SETD5: variants seen among roughly 807,000 people sequenced by gnomAD.
The protein encoded by SETD5 is histone-lysine N-methyltransferase SETD5.
A neutral mutation model predicts 153.3 loss-of-function variants in SETD5; 44 were observed. That is an observed-to-expected ratio of 0.29 (90% CI 0.23 to 0.37). The LOEUF is 0.37. SETD5 is among the 10% of genes least tolerant of loss of function. SETD5 has a pLI of 1.00. For synonymous variants in SETD5, 716 were observed against 645.2 expected, an observed-to-expected ratio of 1.11 and a Z score of -1.66; for missense variants, 1,544 against 1,768.0, an observed-to-expected ratio of 0.87 and a Z score of 2.27.
At chr3:9,416,047 G>A (rs1464244945) in intron 1 of SETD5, among the ~76,000 whole-genome samples, 1 of 151,962 alleles carries the variant, frequency 6.6e-6, no homozygotes, top group Non-Finnish European at 1.5e-5. Context: ...TACTTTCTTT[G>A]TAATTTTTTT....
Position 9,459,755 on chromosome 3 carries a change from G to A in SETD5, c.2477-4670G>A, listed in dbSNP as rs117341922. ...AAAGAATATTAAAAGAAGAATATAC[G>A]ATGACTAAGGTTCCTTCTAGGAATG... On this transcript the variant is annotated intron_variant, in intron 17 of 22. Transcript: ENST00000402198. 3.3e-4 allele frequency among the ~76,000 whole-genome samples: 49 copies of A among 150,014 alleles called. No homozygotes were observed. In the East Asian group the frequency reaches 8.8e-3, roughly 27 times the overall value.
chr3:9,438,327 T>A (rs1055384061), intron 7 of SETD5, among the ~76,000 whole-genome samples: 3 of 152,184 alleles, frequency 2.0e-5, no homozygotes, highest in African/African-American at 7.2e-5. Flanking sequence ...GCCTTTTAAA[T>A]AGACTTTGGA....
chr3:9,462,598 AAAAG>A (rs1448115167), intron 17 of SETD5, among the ~76,000 whole-genome samples: 2 of 148,534 alleles, frequency 1.3e-5, no homozygotes, highest in Non-Finnish European at 3.0e-5. Context: ...AAAAAAAAAA[AAAAG>A]AAAAAAAGAA....
chr3:9,402,515 G>A (rs1664276387), intron 1 of SETD5, among the ~76,000 whole-genome samples: 1 of 152,136 alleles, frequency 6.6e-6, no homozygotes, highest in Admixed American at 6.5e-5. Context: ...TTGGAGTAAT[G>A]TCTTAGTATT....
chr3:9,440,802 A>G, intron 8 of SETD5, 104 bp downstream of exon 8: 2 of 1,383,964 alleles, frequency 1.4e-6, no homozygotes, highest in South Asian at 2.9e-5. Flanking sequence ...GTACAAGGCC[A>G]TGGAATAACA....
At chr3:9,464,377 AAATT>A (rs1443637630) in intron 17 of SETD5, 44 bp from the exon 18 acceptor site, 1 of 1,580,624 alleles carries the variant, frequency 6.3e-7, no homozygotes, top group Non-Finnish European at 8.6e-7. Context: ...GTAGAGCCTT[AAATT>A]AATCTGTGGT....
At chr3:9,468,812 T>G (rs1317471137) in intron 18 of SETD5, among the ~76,000 whole-genome samples, 2 of 151,350 alleles carry the variant, frequency 1.3e-5, no homozygotes, top group Non-Finnish European at 3.0e-5. Context: ...GTGTGTGTGT[T>G]GTGTGTGTGT....
chr3:9,440,384 T>C, intron 7 of SETD5, 72 bp from the exon 8 acceptor site: 1 of 787,716 alleles, frequency 1.3e-6, no homozygotes, highest in South Asian at 1.6e-5. Flanking sequence ...AACCCCAGCT[T>C]GTCCCACCCC....
intron 10 of SETD5, chr3:9,443,062 G>GCCT: frequency 2.7e-6 from 1 of 368,020 alleles, no homozygotes; most frequent in Non-Finnish European, 5.1e-6. Context: ...TGAAAGTAGA[G>GCCT]ATTTTACCCT....
rs1395267126 is a variant in SETD5 at position 9,464,553 on chromosome 3, G to A, written c.2605G>A (p.Ala869Thr). The A allele has an allele frequency of 6.2e-7, 1 of 1,613,878 alleles. No individual in the cohort carries two copies. Among genetic ancestry groups the A allele is most frequent in the Non-Finnish European group, 8.5e-7 (1 of 1,179,862 alleles). The stretch of plus-strand genomic sequence containing the variant: ...TTCAGGCTCAAAGAGTCCCCAGCTG[G>A]CCACACCTGGCTCATCTCACCCAGG... The part of the protein sequence containing the change: ...PNSGSKSPQL[A>T]TPGSSHPGEE... The change falls in exon 18 of 23, where the codon GCC becomes ACC. Residue 869 changes from alanine to threonine, a missense_variant. Physicochemically the swap from Ala to Thr is moderately conservative, Grantham distance 58. Around this residue, in one of 9 missense-constraint regions of SETD5, gnomAD observed 782 missense variants for 787.2 expected, o/e 0.99. Transcript: ENST00000402198.
In SETD5 at chr3:9,433,923, G is replaced by C. The variant is rs763496394; in HGVS notation, c.150G>C (p.Arg50Ser). 1.8e-5 allele frequency: 29 copies of C among 1,613,816 alleles called. No individual in the cohort carries two copies. Among genetic ancestry groups the C allele is most frequent in the Non-Finnish European group, 2.5e-5 (29 of 1,179,870 alleles). ...CTCATAATTATGGGACCACTCAGAG[G>C]CATGGGTGTCGAGGACTGCCTTATG... ...YSTHNYGTTQ[R>S]HGCRGLPYAT... is the part of the protein sequence containing the mutation. Residue 50 changes from arginine (R) to serine (S), a missense_variant, in exon 4 of 23, where the codon AGG becomes AGC. Arg to Ser is a moderately radical substitution (Grantham distance 110). Coordinates refer to ENST00000402198, the MANE Select transcript of SETD5 (RefSeq NM_001080517.3).
Position 9,475,618 on chromosome 3 carries a change from T to C in SETD5, c.3856T>C (p.Ser1286Pro), listed in dbSNP as rs1450224727. 7 of 1,613,694 alleles carry C rather than the reference T, an allele frequency of 4.3e-6. No individual in the cohort carries two copies. The highest frequency in any genetic ancestry group is 4.5e-5 in the East Asian group (2 of 44,872). ...TGCACTGAGACCTGGAAACCCCCCC[T>C]CTCACGGTTCTTCAGAATCATCCCT... ...TTALRPGNPP[S>P]HGSSESSLSS... The change falls in exon 23 of 23, where the codon TCT becomes CCT. Residue 1286 changes from serine (S) to proline (P), a missense_variant. Physicochemically the swap from Ser to Pro is moderately conservative, Grantham distance 74. This residue lies in a region of SETD5 where 302 missense variants were observed against 277.6 expected (regional missense o/e 1.09). Coordinates refer to ENST00000402198, the MANE Select transcript of SETD5 (RefSeq NM_001080517.3).
At chr3:9,458,129 G>A (rs542852826) in intron 17 of SETD5, among the ~76,000 whole-genome samples, 1 of 152,112 alleles carries the variant, frequency 6.6e-6, no homozygotes, top group African/African-American at 2.4e-5. Flanking sequence ...GATTGAAAAA[G>A]AATTAGAATC....
chr3:9,453,898 GA>G (rs1559451810), intron 17 of SETD5, 30 bp downstream of exon 17: 1 of 1,491,782 alleles, frequency 6.7e-7, no homozygotes, highest in African/African-American at 1.4e-5. Flanking sequence ...CTGATTATAT[GA>G]CCAATGATTG....
chr3:9,441,635 A>T lies in SETD5; in HGVS notation c.853A>T (p.Ile285Phe). The T allele has an allele frequency of 6.2e-7, 1 of 1,614,014 alleles. No homozygotes were observed. Among genetic ancestry groups the T allele is most frequent in the Non-Finnish European group, 8.5e-7 (1 of 1,179,868 alleles). The change falls in exon 9 of 23, where the codon ATC becomes TTC. Residue 285 changes from isoleucine (I) to phenylalanine (F), a missense_variant. Around this residue, in one of 9 missense-constraint regions of SETD5, gnomAD observed 30 missense variants for 66.0 expected, o/e 0.45. Transcript: ENST00000402198. ...RVTRVQKHRKILRAARDLALD... is the reference protein window; with the variant it reads ...RVTRVQKHRKFLRAARDLALD... Reference sequence around the variant, plus strand: ...CACTCGTGTTCAAAAGCACCGGAAGATCCTGAGGGCTGCAAGAGATTTGGC... The same window carrying T: ...CACTCGTGTTCAAAAGCACCGGAAGTTCCTGAGGGCTGCAAGAGATTTGGC...
At chr3:9,410,419 A>G (rs2036384689) in intron 1 of SETD5, among the ~76,000 whole-genome samples, 1 of 152,216 alleles carries the variant, frequency 6.6e-6, no homozygotes, top group African/African-American at 2.4e-5. Context: ...TCCCCCTTAG[A>G]ATAGTTCTCT....
At chr3:9,427,423 G>T (rs1332702402) in intron 2 of SETD5, among the ~76,000 whole-genome samples, 1 of 152,138 alleles carries the variant, frequency 6.6e-6, no homozygotes, top group Admixed American at 6.6e-5. Context: ...GGTGGCAGGC[G>T]CCTGTAATCC....
Position 9,425,055 on chromosome 3 carries a change from C to CTTTTTTTTTTTTTTTTTTTTTTTTTTT in SETD5, c.-117+552_-117+553insTTTTTTTTTTTTTTTTTTTTTTTTTTT, listed in dbSNP as rs778883904. Among the ~76,000 whole-genome samples the CTTTTTTTTTTTTTTTTTTTTTTTTTTT allele has an allele frequency of 6.0e-5, 5 of 83,642 alleles. 1 individual carries two copies. Among genetic ancestry groups the CTTTTTTTTTTTTTTTTTTTTTTTTTTT allele is most frequent in the African/African-American group, 2.0e-4 (4 of 20,436 alleles). The allele number at this position is 83,642 out of a possible 152,430, so 54.9% of individuals were successfully genotyped here. ...AAATTTATAGTTACCGACAATGTTT[C>CTTTTTTTTTTTTTTTTTTTTTTTTTTT]TTTTTTTTTTTTTTTTTTTTTTTGA... On this transcript the variant is annotated intron_variant, in intron 2 of 22. Transcript: ENST00000402198.
At chr3:9,410,487 G>C (rs987327772) in intron 1 of SETD5, among the ~76,000 whole-genome samples, 1 of 152,030 alleles carries the variant, frequency 6.6e-6, no homozygotes, top group Non-Finnish European at 1.5e-5. Flanking sequence ...TTTACTTTCA[G>C]ATTTTTCAGG....
Sources: gnomAD v4.1 joint callset for allele counts (sites outside exome capture counted in the v4.1 genomes callset) on GRCh38, gnomAD v4.1.1 for gene constraint, gnomAD v4.1.1 regional missense constraint, MANE v1.5 for transcripts, NCBI Gene and HGNC (gene_info 2026-07-23, HGNC 2026-07-21) for gene names.